The following ADAM12 variants were observed in gnomAD, a reference collection of about 807,000 sequenced individuals.
The protein encoded by ADAM12 is disintegrin and metalloproteinase domain-containing protein 12.
In ADAM12, 70 loss-of-function variants were observed where a neutral mutation model predicts 106.4. The ratio of observed to expected loss-of-function variants is 0.66; its 90% CI spans 0.54 to 0.80. The LOEUF (loss-of-function observed/expected upper bound fraction) is 0.80, where lower values mean the gene tolerates loss of function less well. Ranked by LOEUF, ADAM12 falls within the 30% of genes least tolerant of loss-of-function variation. The pLI, the probability that ADAM12 is intolerant of heterozygous loss-of-function variation, is 0.00. For synonymous variants in ADAM12, 420 were observed against 433.5 expected (o/e 0.97, Z 0.39); for missense variants, 1,010 against 1,171.9 (o/e 0.86, Z 2.02).
At chr10:126,155,032 G>A (rs565723983) in intron 4 of ADAM12, among the ~76,000 whole-genome samples, 195 bp downstream of exon 4, 4 of 152,212 alleles carry the variant, frequency 2.6e-5, no homozygotes, top group South Asian at 2.1e-4. Context: ...GGGGCTGTCT[G>A]TGCACATACC....
chr10:126,074,752 C>G (rs1955066006), intron 11 of ADAM12, among the ~76,000 whole-genome samples: 1 of 152,220 alleles, frequency 6.6e-6, no homozygotes, highest in Non-Finnish European at 1.5e-5. Flanking sequence ...AGCATCCTAG[C>G]ATTAATTCTT....
chr10:126,345,342 G>A (rs7895408), intron 1 of ADAM12, among the ~76,000 whole-genome samples: 1,653 of 152,276 alleles, frequency 0.011, 40 homozygotes, highest in African/African-American at 0.038. Flanking sequence ...ATTTGCGTAT[G>A]TTGAACCAGC....
In ADAM12 at chr10:126,038,234, G is replaced by C; in HGVS notation, c.2349+7C>G. 1 of 1,602,736 alleles carries C rather than the reference G, an allele frequency of 6.2e-7. No homozygotes were observed. Reference sequence around the variant, plus strand: ...GCCCTGAGCACTCACATCTACTCAAGACTCACCTTCGGTGGGTAGGAATCT... The same window carrying C: ...GCCCTGAGCACTCACATCTACTCAACACTCACCTTCGGTGGGTAGGAATCT... On this transcript the variant is annotated splice_region_variant and intron_variant, in intron 20 of 22. Transcript: ENST00000448723.
chr10:126,315,920 C>A (rs1165997472), intron 2 of ADAM12, among the ~76,000 whole-genome samples: 1 of 152,146 alleles, frequency 6.6e-6, no homozygotes, highest in Non-Finnish European at 1.5e-5. Flanking sequence ...CGATGCATTC[C>A]CACGAAGTCC....
intron 3 of ADAM12, among the ~76,000 whole-genome samples, chr10:126,189,558 G>A (rs956394073): frequency 1.3e-5 from 2 of 152,186 alleles, no homozygotes; most frequent in African/African-American, 4.8e-5. Flanking sequence ...TACGTGCCAG[G>A]CATGTGCTAA....
rs1384266362 is a variant in ADAM12, at chr10:126,064,917, G to C, written c.1498C>G (p.Pro500Ala). The C allele has an allele frequency of 6.2e-7, 1 of 1,613,176 alleles. No individual in the cohort carries two copies. Among genetic ancestry groups the C allele is most frequent in the Non-Finnish European group, 8.5e-7 (1 of 1,179,698 alleles). The change falls in exon 14 of 23, where the codon CCA (proline) becomes GCA (alanine). Residue 500 changes from proline (P) to alanine (A), a missense_variant. Pro to Ala is a conservative substitution (Grantham distance 27). Coordinates refer to ENST00000448723, the MANE Select transcript of ADAM12 (RefSeq NM_001288973.2). The surrounding 1 kb of genome is among the most constrained non-coding windows in gnomAD (Gnocchi z 4.4). ...CCATCGTGCAGGTACACGTTGGCTG[G>C]GCAGTGAGGGCTGGCCCCTGTGCAG... ...EFCTGASPHC[P>A]ANVYLHDGHS...
At chr10:126,038,962 T>TC in intron 19 of ADAM12, among the ~76,000 whole-genome samples, 1 of 136,836 alleles carries the variant, frequency 7.3e-6, no homozygotes, top group East Asian at 2.1e-4. Context: ...CTTTTTTTTT[T>TC]TTTTTTTTTT....
intron 5 of ADAM12, among the ~76,000 whole-genome samples, chr10:126,125,777 T>G (rs1226056398): frequency 6.6e-6 from 1 of 151,692 alleles, no homozygotes; most frequent in African/African-American, 2.4e-5. Context: ...GATCTCAAGA[T>G]GAGATTGTCC....
At chr10:126,198,547 G>A (rs553716053) in intron 3 of ADAM12, among the ~76,000 whole-genome samples, 1 of 152,340 alleles carries the variant, frequency 6.6e-6, no homozygotes, top group Admixed American at 6.5e-5. Flanking sequence ...TTTAGCTCGT[G>A]TGAATCCTGC....
At chr10:126,333,422 A>G (rs970538918) in intron 1 of ADAM12, among the ~76,000 whole-genome samples, 21 of 152,226 alleles carry the variant, frequency 1.4e-4, no homozygotes, top group African/African-American at 4.8e-4. Context: ...TGCCTGGAGG[A>G]AGAATCTTTG....
At chr10:126,288,182 C>T (rs532987708) in intron 2 of ADAM12, among the ~76,000 whole-genome samples, 2 of 152,234 alleles carry the variant, frequency 1.3e-5, no homozygotes, top group South Asian at 2.1e-4. Context: ...CTGTGGGACA[C>T]AAGTGGCTGT....
chr10:126,295,003 G>C lies in ADAM12; in HGVS notation c.187-16015C>G, dbSNP rs1250185508. On this transcript the variant is annotated intron_variant, in intron 2 of 22. Coordinates refer to ENST00000448723, the MANE Select transcript of ADAM12 (RefSeq NM_001288973.2). ...AATGGAATAAGGAAATCCAAAAACT[G>C]TTACATGATCATCAAGCTTAAATGA... 3.9e-5 allele frequency among the ~76,000 whole-genome samples: 6 copies of C among 152,000 alleles called. No individual in the cohort carries two copies. In the East Asian group the frequency reaches 1.2e-3, roughly 29 times the overall value.
chr10:126,069,352 T>C (rs1477247851), intron 12 of ADAM12, among the ~76,000 whole-genome samples: 1 of 152,186 alleles, frequency 6.6e-6, no homozygotes, highest in African/African-American at 2.4e-5. Flanking sequence ...GAAAGAACTT[T>C]GGATGAGGGG....
intron 3 of ADAM12, among the ~76,000 whole-genome samples, chr10:126,167,942 C>A (rs547778377): frequency 6.6e-6 from 1 of 152,328 alleles, no homozygotes; most frequent in African/African-American, 2.4e-5. Flanking sequence ...ACTCTTACAG[C>A]GGCAATGGGC....
At position 126,142,956 on chromosome 10, in the gene ADAM12, A is replaced by C. The variant is rs370072437; in HGVS notation, c.340-7296T>G. Among the ~76,000 whole-genome samples, 7 of 151,634 alleles carry C rather than the reference A, an allele frequency of 4.6e-5. No individual in the cohort carries two copies. The South Asian group carries it at 1.3e-3, about 27-fold the overall frequency. On this transcript the variant is annotated intron_variant, in intron 4 of 22. Transcript: ENST00000448723. ...CATGGGTGTGCATGTGTATATATGC[A>C]TGTGTGTATATCAGTGTGCATGTGT... is the stretch of plus-strand genomic sequence containing the variant.
At chr10:126,203,805 C>CTG (rs2133824052) in intron 3 of ADAM12, among the ~76,000 whole-genome samples, 1 of 152,306 alleles carries the variant, frequency 6.6e-6, no homozygotes, top group South Asian at 2.1e-4. Context: ...CCCACAGAGA[C>CTG]TGTGCTATGG....
intron 5 of ADAM12, among the ~76,000 whole-genome samples, chr10:126,129,066 G>T (rs904158018): frequency 6.6e-6 from 1 of 152,250 alleles, no homozygotes; most frequent in African/African-American, 2.4e-5. Flanking sequence ...CGATCTGATC[G>T]AGATACCACT....
chr10:126,191,834 T>C (rs1254477401), intron 3 of ADAM12, among the ~76,000 whole-genome samples: 2 of 152,178 alleles, frequency 1.3e-5, no homozygotes, highest in African/African-American at 2.4e-5. Flanking sequence ...GGATAATTTA[T>C]AAAGAAAATA....
Position 126,014,237 on chromosome 10 carries a change from C to T in ADAM12, c.*3042G>A, listed in dbSNP as rs915908765. On this transcript the variant is annotated 3_prime_UTR_variant, in exon 23 of 23. Coordinates refer to ENST00000448723, the MANE Select transcript of ADAM12 (RefSeq NM_001288973.2). ...CAGGAGGATGCTCAGCCCTGCCAGT[C>T]GGCCCAGCACCAGGCTCTTTTTAGC... The T allele has an allele frequency of 4.7e-5, 7 of 150,402 alleles. No individual in the cohort carries two copies. Among genetic ancestry groups the T allele is most frequent in the South Asian group, 2.1e-4 (1 of 4,730 alleles). The allele number at this position is 150,402 out of a possible 1,614,324, so 9.3% of individuals were successfully genotyped here.
Sources: gnomAD v4.1 joint callset for allele counts (sites outside exome capture counted in the v4.1 genomes callset) on GRCh38, gnomAD v4.1.1 for gene constraint, Gnocchi (gnomAD v3.1) non-coding constraint, MANE v1.5 for transcripts, NCBI Gene and HGNC (gene_info 2026-07-23, HGNC 2026-07-21) for gene names.